The following PDE4D variants were observed in gnomAD, a reference collection of about 807,000 sequenced individuals.
PDE4D encodes the protein 3',5'-cyclic-AMP phosphodiesterase 4D.
In PDE4D, 24 loss-of-function variants were observed where a neutral mutation model predicts 87.4. The ratio of observed to expected loss-of-function variants is 0.27; its 90% CI spans 0.20 to 0.39. The LOEUF is 0.39. Among genes scored for constraint, PDE4D ranks in the 10% least tolerant of loss-of-function variants. PDE4D has a pLI of 1.00. For missense variants in PDE4D, 714 were observed against 1,041.0 expected, an observed-to-expected ratio of 0.69 and a Z score of 4.32; for synonymous variants, 384 against 383.2, an observed-to-expected ratio of 1.00 and a Z score of -0.02.
intron 2 of PDE4D, among the ~76,000 whole-genome samples, chr5:60,083,484 A>C (rs370847106): frequency 3.3e-5 from 5 of 152,376 alleles, no homozygotes; most frequent in African/African-American, 9.6e-5. Context: ...ATATTCTTTC[A>C]AAGCAAACTT....
chr5:60,050,023 G>A (rs370815976), intron 2 of PDE4D, among the ~76,000 whole-genome samples: 3 of 152,216 alleles, frequency 2.0e-5, no homozygotes, highest in African/African-American at 4.8e-5. Flanking sequence ...GCGAGACTCT[G>A]TTGGCGTAGG....
At chr5:60,091,306 T>C (rs527872591) in intron 2 of PDE4D, among the ~76,000 whole-genome samples, 3 of 152,120 alleles carry the variant, frequency 2.0e-5, no homozygotes, top group Admixed American at 1.3e-4. Context: ...CATAATCCCA[T>C]TGAAAAGCAG....
chr5:59,836,010 C>T (rs951374676), intron 1 of PDE4D, among the ~76,000 whole-genome samples: 4 of 151,922 alleles, frequency 2.6e-5, no homozygotes, highest in Non-Finnish European at 5.9e-5. Context: ...TTTCAGATAC[C>T]TCATCTATAA....
intron 2 of PDE4D, among the ~76,000 whole-genome samples, chr5:60,112,754 T>C (rs1777800528): frequency 6.6e-6 from 1 of 152,054 alleles, no homozygotes; most frequent in Non-Finnish European, 1.5e-5. Flanking sequence ...CAACCGAGGA[T>C]CCTTAGTTCC....
At chr5:59,627,949 A>G (rs1221866108) in intron 1 of PDE4D, among the ~76,000 whole-genome samples, 1 of 152,160 alleles carries the variant, frequency 6.6e-6, no homozygotes, top group Admixed American at 6.5e-5. Context: ...ATCTCAGTTC[A>G]TTGTCCTTAA....
chr5:59,694,784 TG>T (rs1751508231), intron 1 of PDE4D, among the ~76,000 whole-genome samples: 1 of 152,206 alleles, frequency 6.6e-6, no homozygotes, highest in Admixed American at 6.5e-5. Flanking sequence ...AAATGTATAC[TG>T]TATCCCTATG....
intron 1 of PDE4D, among the ~76,000 whole-genome samples, chr5:59,828,252 C>T (rs541172900): frequency 7.2e-5 from 11 of 151,780 alleles, no homozygotes; most frequent in African/African-American, 2.2e-4. Flanking sequence ...AAAATACTGG[C>T]TTGAAAATGT....
chr5:59,894,481 C>A (rs1751424441), upstream of PDE4D, among the ~76,000 whole-genome samples: 1 of 152,334 alleles, frequency 6.6e-6, no homozygotes, highest in Non-Finnish European at 1.5e-5. Flanking sequence ...CTCTTTCCCA[C>A]AGCAGGGAGA....
At chr5:59,405,909 A>G (rs1309344703) in intron 1 of PDE4D, among the ~76,000 whole-genome samples, 1 of 152,088 alleles carries the variant, frequency 6.6e-6, no homozygotes, top group Admixed American at 6.5e-5. Flanking sequence ...AATCTTTTTA[A>G]TGTGTTGCTG....
chr5:59,917,047 A>G (rs556068429), intron 3 of PDE4D, among the ~76,000 whole-genome samples: 12 of 139,092 alleles, frequency 8.6e-5, no homozygotes, highest in African/African-American at 3.3e-4. Flanking sequence ...CAAGTGATCC[A>G]TCTGCCTCGG....
intron 2 of PDE4D, among the ~76,000 whole-genome samples, chr5:60,069,428 T>C (rs1338693473): frequency 6.6e-6 from 1 of 152,152 alleles, no homozygotes; most frequent in East Asian, 1.9e-4. Flanking sequence ...GAGAAATATA[T>C]TTCTGTTGTT....
intron 1 of PDE4D, among the ~76,000 whole-genome samples, chr5:59,856,789 A>G (rs1008131237): frequency 4.6e-5 from 7 of 152,204 alleles, no homozygotes; most frequent in African/African-American, 1.2e-4. Flanking sequence ...GCTCATTTCC[A>G]AGTACTGAAA....
At chr5:58,982,637 T>C (rs1208563208) in intron 11 of PDE4D, among the ~76,000 whole-genome samples, 1 of 152,106 alleles carries the variant, frequency 6.6e-6, no homozygotes, top group Non-Finnish European at 1.5e-5. Context: ...CCCCCCAAAA[T>C]GGTGTTATAT....
chr5:59,200,262 CATATGTGTATGT>C lies in PDE4D; in HGVS notation c.648-6738_648-6727del, dbSNP rs1561690407. The stretch of plus-strand genomic sequence containing the variant: ...GTATGTACAGCTACACGTATACATA[CATATGTGTATGT>C]ACAGCTACAAGTATACATACATATG... On this transcript the variant is annotated intron_variant, in intron 2 of 14. Coordinates refer to ENST00000340635, the MANE Select transcript of PDE4D (RefSeq NM_001104631.2). Among the ~76,000 whole-genome samples, 69 of 112,698 alleles carry C rather than the reference CATATGTGTATGT, an allele frequency of 6.1e-4. 3 individuals are homozygous for C. The highest frequency in any genetic ancestry group is 2.6e-3 in the African/African-American group (58 of 22,582). The allele number at this position is 112,698 out of a possible 152,430, so 73.9% of individuals were successfully genotyped here.
Position 60,023,880 on chromosome 5 carries a change from C to T in PDE4D, c.43-35163G>A, listed in dbSNP as rs367974011. Among the ~76,000 whole-genome samples the T allele has an allele frequency of 1.4e-4, 22 of 152,234 alleles. No individual in the cohort carries two copies. The East Asian group carries it at 2.1e-3, about 15-fold the overall frequency. On this transcript the variant is annotated intron_variant, in intron 2 of 16. Coordinates refer to the PDE4D transcript ENST00000502484. The stretch of plus-strand genomic sequence containing the variant: ...AATCAAATCAAAGTGAACGTATGCA[C>T]GACTGTGACCACAGATATCACTAAT...
chr5:59,231,498 A>T (rs1168399001), intron 1 of PDE4D, among the ~76,000 whole-genome samples: 10 of 152,182 alleles, frequency 6.6e-5, no homozygotes, highest in Non-Finnish European at 1.2e-4. Flanking sequence ...GTAGAAACAG[A>T]AGGTGGGAGA....
At chr5:59,817,157 A>G (rs992333524) in intron 1 of PDE4D, among the ~76,000 whole-genome samples, 1 of 152,204 alleles carries the variant, frequency 6.6e-6, no homozygotes, top group Admixed American at 6.5e-5. Context: ...TTCCCAGCTG[A>G]CGGAAACGTG....
At chr5:59,714,519 G>A (rs926443181) in intron 1 of PDE4D, among the ~76,000 whole-genome samples, 1 of 152,218 alleles carries the variant, frequency 6.6e-6, no homozygotes, top group Non-Finnish European at 1.5e-5. Flanking sequence ...AAACACCAGC[G>A]CTGATATATT....
chr5:60,273,937 C>T (rs926452343), intron 1 of PDE4D, among the ~76,000 whole-genome samples: 4 of 152,074 alleles, frequency 2.6e-5, no homozygotes, highest in Admixed American at 6.5e-5. Flanking sequence ...TTCTTGGGAA[C>T]ACTGGAATAG....
Sources: gnomAD v4.1 joint callset for allele counts (sites outside exome capture counted in the v4.1 genomes callset) on GRCh38, gnomAD v4.1.1 for gene constraint, MANE v1.5 for transcripts, NCBI Gene and HGNC (gene_info 2026-07-23, HGNC 2026-07-21) for gene names.